Variants in RRP1 observed in about 807,000 individuals in gnomAD.
The protein encoded by RRP1 is ribosomal RNA processing 1.
RRP1 carries 37 observed loss-of-function variants against 54.6 expected under a neutral mutation model. That is an observed-to-expected ratio of 0.68 (90% CI 0.52 to 0.89). The LOEUF (loss-of-function observed/expected upper bound fraction) is 0.89, where lower values mean the gene tolerates loss of function less well. Among genes scored for constraint, RRP1 ranks in the 40% least tolerant of loss-of-function variants. The pLI is 0.00. For missense variants in RRP1, 639 were observed against 612.5 expected (o/e 1.04, Z -0.46); for synonymous variants, 262 against 244.3 (o/e 1.07, Z -0.67).
chr21:43,790,889 C>T (rs2084949826), intron 1 of RRP1: 1 of 431,874 alleles, frequency 2.3e-6, no homozygotes, highest in Non-Finnish European at 4.7e-6. Context: ...CCGCACCTGG[C>T]CTCAGTAATT....
Position 43,793,328 on chromosome 21 carries a change from T to C in RRP1, c.284T>C (p.Phe95Ser). ...CTTATTCCTTCTCCAGAGCACCTGTTCCTTCAGGCCTTCTGGCAGACCATG... is the reference window on the plus strand; with the variant it reads ...CTTATTCCTTCTCCAGAGCACCTGTCCCTTCAGGCCTTCTGGCAGACCATG... ...AFQTTEAQHL[F>S]LQAFWQTMNR... The change falls in exon 4 of 13, where the codon TTC becomes TCC. Residue 95 changes from phenylalanine (F) to serine (S), a missense_variant. Phe to Ser is a radical substitution (Grantham distance 155, BLOSUM62 -2). Transcript: ENST00000497547. 1 of 1,614,170 alleles carries C rather than the reference T, an allele frequency of 6.2e-7. No individual in the cohort carries two copies. Among genetic ancestry groups the C allele is most frequent in the South Asian group, 1.1e-5 (1 of 91,092 alleles).
At chr21:43,794,145 C>T (rs948941099) in intron 4 of RRP1, among the ~76,000 whole-genome samples, 3 of 152,140 alleles carry the variant, frequency 2.0e-5, no homozygotes, top group Middle Eastern at 3.2e-3. Context: ...AGCTCAGATT[C>T]GGGCCAGGAT....
chr21:43,797,538 T>G lies in RRP1; in HGVS notation c.539T>G (p.Val180Gly). The change falls in exon 6 of 13, where the codon GTG becomes GGG. Residue 180 changes from valine (V) to glycine (G), a missense_variant. By Grantham distance (109) the Val-to-Gly change is moderately radical. Coordinates refer to ENST00000497547, the MANE Select transcript of RRP1 (RefSeq NM_003683.6). ...ATCTTCCTGGAGGAGCTGACCAAAG[T>G]GGGCGCCGAGGAGGTGAGGCTGGGC... is the stretch of plus-strand genomic sequence containing the variant. ...IEIFLEELTKVGAEELTADQN... is the reference protein window; with the variant it reads ...IEIFLEELTKGGAEELTADQN... 6.2e-7 allele frequency: 1 copy of G among 1,613,866 alleles called. No individual in the cohort carries two copies. The highest frequency in any genetic ancestry group is 8.5e-7 in the Non-Finnish European group (1 of 1,179,858).
In RRP1 at chr21:43,795,186, A is replaced by T. The variant is rs1181151363; in HGVS notation, c.361-3A>T. ...CTAATGCCAACCTCCTTCTGTGTCAAAGCTCATGCGGATGGTCCTGAACGA... is the reference window on the plus strand; with the variant it reads ...CTAATGCCAACCTCCTTCTGTGTCATAGCTCATGCGGATGGTCCTGAACGA... On this transcript the variant is annotated splice_region_variant and splice_polypyrimidine_tract_variant and intron_variant, in intron 4 of 12. Transcript: ENST00000497547. 1.2e-6 allele frequency: 2 copies of T among 1,613,924 alleles called. No individual in the cohort carries two copies. Among genetic ancestry groups the T allele is most frequent in the Non-Finnish European group, 1.7e-6 (2 of 1,179,916 alleles).
Position 43,797,410 on chromosome 21 carries a change from T to C in RRP1, c.423-12T>C. On this transcript the variant is annotated splice_polypyrimidine_tract_variant and intron_variant, in intron 5 of 12. Transcript: ENST00000497547. ...CGAGGCTGCCTGTCATGTTTGCTTT[T>C]TCTTTCCTCAGACAGATCGAGGAGC... 14 of 1,604,146 alleles carry C rather than the reference T, an allele frequency of 8.7e-6. No individual in the cohort carries two copies. The highest frequency in any genetic ancestry group is 1.2e-5 in the Non-Finnish European group (14 of 1,176,876).
chr21:43,802,623 T>G, intron 12 of RRP1: 1 of 508,848 alleles, frequency 2.0e-6, no homozygotes, highest in Non-Finnish European at 3.6e-6. Context: ...CTGTGTGCGC[T>G]GCCCTCCCTC....
Position 43,802,269 on chromosome 21 carries a change from C to G in RRP1, c.1010-5C>G. 1.2e-6 allele frequency: 2 copies of G among 1,609,924 alleles called. No individual in the cohort carries two copies. Among genetic ancestry groups the G allele is most frequent in the Non-Finnish European group, 1.7e-6 (2 of 1,176,848 alleles). On this transcript the variant is annotated splice_region_variant and splice_polypyrimidine_tract_variant and intron_variant, in intron 11 of 12. Coordinates refer to ENST00000497547, the MANE Select transcript of RRP1 (RefSeq NM_003683.6). ...GAGCCCCCTGACTTCTGCCCTGGTT[C>G]TCAGGCATTTTCCCTGAAGATGAGA...
At position 43,791,446 on chromosome 21, in the gene RRP1, G is replaced by A. The variant is rs556658191; in HGVS notation, c.216+14G>A. ...CCACTCCTCCAGGTGAGTGGGGGGA[G>A]CAGCAGAGCAGGTACAGAAGCAGCG... On this transcript the variant is annotated intron_variant, in intron 2 of 12. Coordinates refer to ENST00000497547, the MANE Select transcript of RRP1 (RefSeq NM_003683.6). 9.3e-6 allele frequency: 15 copies of A among 1,612,376 alleles called. No homozygotes were observed. The highest frequency in any genetic ancestry group is 1.3e-5 in the Non-Finnish European group (15 of 1,178,496).
At chr21:43,800,298 T>TGCGTGCCCCGCAGTGCGCCCGCAGC (rs2085072310) in intron 9 of RRP1, among the ~76,000 whole-genome samples, 1 of 150,874 alleles carries the variant, frequency 6.6e-6, no homozygotes. Context: ...TGCCCCGCAG[T>TGCGTGCCCCGCAGTGCGCCCGCAGC]GCGTGCCCCG....
chr21:43,797,953 G>T lies in RRP1; in HGVS notation c.664G>T (p.Val222Leu). Residue 222 changes from valine (V) to leucine (L), a missense_variant, in exon 8 of 13, where the codon GTG becomes TTG. By Grantham distance (32) the Val-to-Leu change is conservative. Transcript: ENST00000497547. ...CACTCGAGGCATCTTTGAGACGATT[G>T]TGGAGCAGGCCCCGCTTGCCATTGA... ...NITRGIFETI[V>L]EQAPLAIEDL... 6.2e-7 allele frequency: 1 copy of T among 1,614,192 alleles called. No homozygotes were observed. The highest frequency in any genetic ancestry group is 1.7e-4 in the Middle Eastern group (1 of 6,060).
chr21:43,798,832 C>T lies in RRP1; in HGVS notation c.811+732C>T, dbSNP rs552978358. 4.6e-5 allele frequency among the ~76,000 whole-genome samples: 7 copies of T among 152,266 alleles called. No individual in the cohort carries two copies. In the South Asian group the frequency reaches 1.0e-3, roughly 23 times the overall value. On this transcript the variant is annotated intron_variant, in intron 8 of 12. Transcript: ENST00000497547. ...GCTGTGGAGGGCATGTCTTTGACCA[C>T]GCTCAGGACCCCAGTATGCCCCAAA...
At chr21:43,797,285 G>A in intron 5 of RRP1, 137 bp from the exon 6 acceptor site, 1 of 1,420,524 alleles carries the variant, frequency 7.0e-7, no homozygotes, top group Non-Finnish European at 9.3e-7. Flanking sequence ...TGGACTTTAA[G>A]GCTGGCATGT....
At chr21:43,791,223 G>GC (rs1444316844) in intron 1 of RRP1, 127 bp from the exon 2 acceptor site, 6 of 925,646 alleles carry the variant, frequency 6.5e-6, no homozygotes, top group African/African-American at 3.2e-5. Context: ...GCCAGATTCT[G>GC]CCCCCCAGTT....
In RRP1 at chr21:43,803,539, C is replaced by T. The variant is rs530647149; in HGVS notation, c.1151C>T (p.Pro384Leu). ...RGKGEKEPPS[P>L]GMERKRSRRR... is the part of the protein sequence containing the mutation. ...AAAGGTGAGAAGGAGCCCCCGAGCC[C>T]GGGCATGGAGAGGAAGAGGAGCAGG... Residue 384 changes from proline (P) to leucine (L), a missense_variant, in exon 13 of 13, where the codon CCG (proline) becomes CTG (leucine). Coordinates refer to ENST00000497547, the MANE Select transcript of RRP1 (RefSeq NM_003683.6). The T allele has an allele frequency of 2.4e-5, 37 of 1,557,094 alleles. No individual in the cohort carries two copies. The highest frequency in any genetic ancestry group is 1.3e-4 in the Admixed American group (7 of 52,112).
Position 43,798,047 on chromosome 21 carries a change from G to A in RRP1, c.758G>A (p.Gly253Asp). The A allele has an allele frequency of 6.2e-7, 1 of 1,614,152 alleles. No individual in the cohort carries two copies. Residue 253 changes from glycine to aspartate, a missense_variant, in exon 8 of 13, where the codon GGT (glycine) becomes GAT (aspartate). Gly to Asp is a moderately conservative substitution (Grantham distance 94). Coordinates refer to ENST00000497547, the MANE Select transcript of RRP1 (RefSeq NM_003683.6). Reference protein sequence around the residue: ...VASDSDESSEGGERGDALSQK... With the variant: ...VASDSDESSEDGERGDALSQK... The stretch of plus-strand genomic sequence containing the variant: ...TCGGACAGTGATGAGTCCTCTGAGG[G>A]TGGTGAGCGTGGAGACGCGCTGTCC...
At chr21:43,793,256 C>T in intron 3 of RRP1, 63 bp from the exon 4 acceptor site, 5 of 1,463,560 alleles carry the variant, frequency 3.4e-6, no homozygotes, top group South Asian at 1.1e-5. Context: ...CATGTTCTCA[C>T]CTCCCTCCCC....
At position 43,801,353 on chromosome 21, in the gene RRP1, C is replaced by T. The variant is rs371420498; in HGVS notation, c.1009+472C>T. Among the ~76,000 whole-genome samples, 25 of 152,356 alleles carry T rather than the reference C, an allele frequency of 1.6e-4. 1 individual carries two copies. The East Asian group carries it at 2.9e-3, about 18-fold the overall frequency. ...GGAAGGATTTTATAGTGGATGTCTG[C>T]GTGTCCCTGCCGGCCTCCAGCATCA... On this transcript the variant is annotated intron_variant, in intron 11 of 12. Coordinates refer to ENST00000497547, the MANE Select transcript of RRP1 (RefSeq NM_003683.6).
chr21:43,793,469 G>A (rs1288286263), intron 4 of RRP1, 65 bp downstream of exon 4: 2 of 1,421,218 alleles, frequency 1.4e-6, no homozygotes, highest in Non-Finnish European at 2.0e-6. Context: ...GGCCAAGCGA[G>A]ACAGGCGGCA....
At chr21:43,801,928 G>C (rs1286160252) in intron 11 of RRP1, among the ~76,000 whole-genome samples, 1 of 152,184 alleles carries the variant, frequency 6.6e-6, no homozygotes, top group African/African-American at 2.4e-5. Flanking sequence ...TCTGTTTGGG[G>C]TTTTCAGGTG....
Sources: gnomAD v4.1 joint callset for allele counts (sites outside exome capture counted in the v4.1 genomes callset) on GRCh38, gnomAD v4.1.1 for gene constraint, MANE v1.5 for transcripts, NCBI Gene and HGNC (gene_info 2026-07-23, HGNC 2026-07-21) for gene names.